Variants in SAMMSON observed in about 807,000 individuals in gnomAD.
SAMMSON encodes survival associated mitochondrial melanoma specific oncogenic non-coding RNA.
At chr3:70,373,388 T>C (rs1472043553) in intron 9 of SAMMSON, among the ~76,000 whole-genome samples, 2 of 152,194 alleles carry the variant, frequency 1.3e-5, no homozygotes, top group African/African-American at 2.4e-5. Context: ...CTTGCTGTTT[T>C]CAAGTTTTCC....
At chr3:70,132,110 G>C (rs923376518) in intron 4 of SAMMSON, among the ~76,000 whole-genome samples, 1 of 152,012 alleles carries the variant, frequency 6.6e-6, no homozygotes, top group African/African-American at 2.4e-5. Context: ...ACTAAACACC[G>C]TTAGGCTTTC....
intron 4 of SAMMSON, among the ~76,000 whole-genome samples, chr3:70,245,012 C>T (rs1035671168): frequency 3.3e-5 from 5 of 152,246 alleles, no homozygotes; most frequent in African/African-American, 1.2e-4. Flanking sequence ...GAGCCCTGGT[C>T]CCAGAACTGC....
At chr3:70,284,288 T>A (rs1477486982) in intron 6 of SAMMSON, among the ~76,000 whole-genome samples, 1 of 152,194 alleles carries the variant, frequency 6.6e-6, no homozygotes, top group Non-Finnish European at 1.5e-5. Flanking sequence ...TTTATTTCTG[T>A]AAACTGCTCT....
At chr3:70,201,967 G>T (rs1159276795) in intron 4 of SAMMSON, among the ~76,000 whole-genome samples, 1 of 152,204 alleles carries the variant, frequency 6.6e-6, no homozygotes, top group Non-Finnish European at 1.5e-5. Flanking sequence ...GTCTTAGGCA[G>T]TGGTTTTATC....
At chr3:70,306,277 TA>T (rs1179086292) in intron 7 of SAMMSON, among the ~76,000 whole-genome samples, 1 of 152,092 alleles carries the variant, frequency 6.6e-6, no homozygotes, top group Non-Finnish European at 1.5e-5. Flanking sequence ...CTAGCCCGGC[TA>T]ATTTCTATAT....
chr3:70,011,629 A>C (rs2066956302), intron 1 of SAMMSON, among the ~76,000 whole-genome samples: 1 of 150,714 alleles, frequency 6.6e-6, no homozygotes, highest in South Asian at 2.1e-4. Context: ...TTACTATGGA[A>C]GTGAAGTCAA....
At chr3:70,074,651 A>G (rs2067242028) in intron 4 of SAMMSON, among the ~76,000 whole-genome samples, 1 of 152,152 alleles carries the variant, frequency 6.6e-6, no homozygotes, top group South Asian at 2.1e-4. Context: ...AAGTGCTCAC[A>G]CTACATCCCC....
At chr3:70,311,686 A>G (rs1320967327) in intron 7 of SAMMSON, among the ~76,000 whole-genome samples, 2 of 152,206 alleles carry the variant, frequency 1.3e-5, no homozygotes, top group Non-Finnish European at 2.9e-5. Flanking sequence ...CAGGGACCAC[A>G]AGAAGCATTT....
chr3:70,376,687 G>C (rs1032146937), intron 9 of SAMMSON, among the ~76,000 whole-genome samples: 7 of 151,996 alleles, frequency 4.6e-5, no homozygotes, highest in African/African-American at 1.7e-4. Flanking sequence ...TTCTCATCCA[G>C]AGCCAGGCTC....
rs186812116 is a variant in SAMMSON, at chr3:70,138,585, A to G, written n.507+67020A>G. On this transcript the variant is annotated intron_variant and non_coding_transcript_variant, in intron 4 of 9. Coordinates refer to ENST00000642114, the Ensembl canonical transcript of SAMMSON. Reference sequence around the variant, plus strand: ...TATGAAATCATGGGGGGACATAAACATTTAGTCCATTGCATTCTGCTTTTG... The same window carrying G: ...TATGAAATCATGGGGGGACATAAACGTTTAGTCCATTGCATTCTGCTTTTG... 1.8e-3 allele frequency among the ~76,000 whole-genome samples: 280 copies of G among 152,338 alleles called. 4 individuals carry two copies. The highest frequency in any genetic ancestry group is 9.1e-4 in the Admixed American group (14 of 15,304).
At chr3:70,143,822 A>G (rs1184937195) in intron 4 of SAMMSON, among the ~76,000 whole-genome samples, 1 of 151,110 alleles carries the variant, frequency 6.6e-6, no homozygotes, top group Non-Finnish European at 1.5e-5. Context: ...TTTCTTTTCA[A>G]CTCCTCTCAA....
At chr3:70,139,809 G>A (rs1162064051) in intron 4 of SAMMSON, among the ~76,000 whole-genome samples, 4 of 152,102 alleles carry the variant, frequency 2.6e-5, no homozygotes, top group Non-Finnish European at 4.4e-5. Context: ...GGACAATAGA[G>A]TGTGCAATAC....
At chr3:70,258,952 T>G (rs1008424350) in intron 6 of SAMMSON, among the ~76,000 whole-genome samples, 7 of 152,154 alleles carry the variant, frequency 4.6e-5, no homozygotes, top group Non-Finnish European at 7.4e-5. Context: ...CATTGAAATT[T>G]AAATATATAT....
At position 70,019,745 on chromosome 3, in the gene SAMMSON, C is replaced by G. The variant is rs192197415; in HGVS notation, n.417+6073C>G. Among the ~76,000 whole-genome samples the G allele has an allele frequency of 1.8e-3, 270 of 152,228 alleles. 2 individuals carry two copies. The highest frequency in any genetic ancestry group is 0.018 in the East Asian group (91 of 5,170). On this transcript the variant is annotated intron_variant and non_coding_transcript_variant, in intron 3 of 9. Transcript: ENST00000642114. ...CCGGTTGTTCCTTTCCATGTTTGTG[C>G]TTCCTTCAGGAGCTCTTGTAGGGCT...
chr3:70,206,838 G>A (rs1223298976), intron 4 of SAMMSON: 6 of 396,596 alleles, frequency 1.5e-5, no homozygotes, highest in East Asian at 1.1e-4. Context: ...TATGGTTTAC[G>A]TGACCTAGTG....
intron 6 of SAMMSON, among the ~76,000 whole-genome samples, chr3:70,274,855 AC>A (rs1348164191): frequency 1.3e-5 from 2 of 152,182 alleles, no homozygotes; most frequent in Non-Finnish European, 2.9e-5. Context: ...TGTAACTAAA[AC>A]CCAAATGTCC....
intron 4 of SAMMSON, among the ~76,000 whole-genome samples, chr3:70,172,001 G>A (rs1260591737): frequency 6.6e-6 from 1 of 151,888 alleles, no homozygotes; most frequent in African/African-American, 2.4e-5. Context: ...CAGTCATTTT[G>A]TCTCTGGAAA....
intron 6 of SAMMSON, among the ~76,000 whole-genome samples, chr3:70,271,254 AC>A (rs879384521): frequency 5.3e-5 from 8 of 152,074 alleles, no homozygotes; most frequent in Non-Finnish European, 1.2e-4. Context: ...ACTCAAGATG[AC>A]CAGGACTAGG....
intron 3 of SAMMSON, among the ~76,000 whole-genome samples, chr3:70,017,577 C>T (rs1187051390): frequency 6.6e-6 from 1 of 152,112 alleles, no homozygotes; most frequent in Non-Finnish European, 1.5e-5. Context: ...CCCTTTATTT[C>T]CTTCTCCTTC....
Sources: allele counts gnomAD v4.1 joint callset (sites outside exome capture counted in the v4.1 genomes callset), GRCh38; gene constraint gnomAD v4.1.1; transcripts MANE v1.5; gene names NCBI Gene and HGNC (gene_info 2026-07-23, HGNC 2026-07-21).